Variants in MYO16 observed in about 807,000 individuals in gnomAD.
The protein encoded by MYO16 is unconventional myosin-XVI.
MYO16 carries 94 observed loss-of-function variants against 205.3 expected under a neutral mutation model. That is an observed-to-expected ratio of 0.46 (90% confidence interval 0.39 to 0.54). The LOEUF is 0.54. Ranked by LOEUF, MYO16 falls within the 20% of genes least tolerant of loss-of-function variation. The probability of loss-of-function intolerance (pLI) is 0.00; values close to 1 mark genes in which losing one functional copy is unlikely to be tolerated. For synonymous variants in MYO16, 988 were observed against 954.0 expected (o/e 1.04, Z -0.66); for missense variants, 2,315 against 2,387.5 (o/e 0.97, Z 0.63).
chr13:108,708,685 A>G lies in MYO16; in HGVS notation c.293-3976A>G, dbSNP rs1883607382. Among the ~76,000 whole-genome samples, 4 of 152,354 alleles carry G rather than the reference A, an allele frequency of 2.6e-5. No homozygotes were observed. The East Asian group carries it at 5.8e-4, about 22-fold the overall frequency. On this transcript the variant is annotated intron_variant, in intron 2 of 34. Coordinates refer to ENST00000457511, the MANE Select transcript of MYO16 (RefSeq NM_001198950.3). The stretch of plus-strand genomic sequence containing the variant: ...TAAATGTAACACCTTTGTGAATTCA[A>G]GAGCCACTGTGGTGGAGATTGTGTG...
chr13:108,568,772 T>A, the MYO16 span, among the ~76,000 whole-genome samples: 2 of 152,032 alleles, frequency 1.3e-5, no homozygotes, highest in African/African-American at 2.4e-5. Flanking sequence ...CGTTTCCTAA[T>A]CCAAGGCCAC....
intron 33 of MYO16, 65 bp downstream of exon 33, chr13:109,165,124 G>A: frequency 8.1e-7 from 1 of 1,242,058 alleles, no homozygotes; most frequent in Non-Finnish European, 1.1e-6. Flanking sequence ...CTTTCTGGGA[G>A]GAATGGATTT....
At chr13:108,589,769 T>A in the MYO16 span, among the ~76,000 whole-genome samples, 2 of 152,168 alleles carry the variant, frequency 1.3e-5, no homozygotes, top group Non-Finnish European at 2.9e-5. Flanking sequence ...CATTAGCAAA[T>A]GTTTCCTGGA....
intron 3 of MYO16, among the ~76,000 whole-genome samples, chr13:108,716,548 G>T (rs1883951993): frequency 6.6e-6 from 1 of 152,206 alleles, no homozygotes; most frequent in Non-Finnish European, 1.5e-5. Context: ...AAAATTGCAG[G>T]TTGCTGGAGA....
In MYO16 at chr13:108,952,226, G is replaced by A. The variant is rs147347991; in HGVS notation, c.1926-5462G>A. Among the ~76,000 whole-genome samples the A allele has an allele frequency of 3.6e-3, 553 of 152,252 alleles. 3 individuals are homozygous for A. The highest frequency in any genetic ancestry group is 0.012 in the African/African-American group (484 of 41,536). The stretch of plus-strand genomic sequence containing the variant: ...GGAATTGGACTACCAAATTTCTACA[G>A]TGTTTTTATCCTTTTTCTGTAAATG... On this transcript the variant is annotated intron_variant, in intron 16 of 34. Coordinates refer to ENST00000457511, the MANE Select transcript of MYO16 (RefSeq NM_001198950.3).
At chr13:108,629,927 T>A in intron 1 of MYO16, 55 bp downstream of exon 1, 1 of 1,470,010 alleles carries the variant, frequency 6.8e-7, no homozygotes, top group Non-Finnish European at 9.2e-7. Flanking sequence ...GAAGTATTAT[T>A]TTGTGCAGAT....
chr13:108,662,061 GTC>G (rs1881526505), intron 1 of MYO16, among the ~76,000 whole-genome samples: 1 of 152,128 alleles, frequency 6.6e-6, no homozygotes, highest in South Asian at 2.1e-4. Context: ...TCTCTTCTGG[GTC>G]TAGCCACCCA....
At chr13:108,976,205 A>G (rs1168649601) in intron 20 of MYO16, among the ~76,000 whole-genome samples, 1 of 152,162 alleles carries the variant, frequency 6.6e-6, no homozygotes, top group Non-Finnish European at 1.5e-5. Flanking sequence ...TTGGAAATTA[A>G]TGTTCCCAGG....
the MYO16 span, among the ~76,000 whole-genome samples, chr13:108,546,571 C>T: frequency 6.6e-6 from 1 of 152,134 alleles, no homozygotes; most frequent in Non-Finnish European, 1.5e-5. Context: ...TAAATTTCCA[C>T]AGTTGCTCTC....
At chr13:108,653,050 G>T (rs1881081694) in intron 1 of MYO16, among the ~76,000 whole-genome samples, 1 of 152,216 alleles carries the variant, frequency 6.6e-6, no homozygotes, top group Middle Eastern at 3.4e-3. Flanking sequence ...CCAATGCTTT[G>T]TATTTTCTGT....
intron 4 of MYO16, among the ~76,000 whole-genome samples, chr13:108,781,434 C>G (rs958213123): frequency 6.6e-6 from 1 of 152,152 alleles, no homozygotes; most frequent in African/African-American, 2.4e-5. Context: ...TTCAGCAGCT[C>G]TCTCAGCAGC....
chr13:108,807,570 C>T (rs1887153523), intron 7 of MYO16, among the ~76,000 whole-genome samples: 1 of 152,070 alleles, frequency 6.6e-6, no homozygotes, highest in African/African-American at 2.4e-5. Context: ...TTTTATTTCT[C>T]CTTGATTGAG....
intron 2 of MYO16, among the ~76,000 whole-genome samples, chr13:108,710,595 C>T (rs1298361598): frequency 1.3e-5 from 2 of 152,150 alleles, no homozygotes; most frequent in African/African-American, 2.4e-5. Context: ...TTCTCACAAA[C>T]CCCCATGAAA....
chr13:109,104,955 T>C (rs1297787601), intron 28 of MYO16, among the ~76,000 whole-genome samples: 1 of 152,164 alleles, frequency 6.6e-6, no homozygotes, highest in African/African-American at 2.4e-5. Flanking sequence ...ACGCTTCAGA[T>C]TGCAGTCCTT....
intron 9 of MYO16, among the ~76,000 whole-genome samples, chr13:108,826,774 A>T (rs1876292862): frequency 6.6e-6 from 1 of 152,170 alleles, no homozygotes; most frequent in Non-Finnish European, 1.5e-5. Context: ...AAGCACACAC[A>T]AAAATACTCT....
intron 4 of MYO16, among the ~76,000 whole-genome samples, chr13:108,769,658 G>T (rs1885897324): frequency 6.6e-6 from 1 of 152,172 alleles, no homozygotes; most frequent in Admixed American, 6.5e-5. Context: ...AGCAAGACCG[G>T]GTGGTTCTGG....
the MYO16 span, among the ~76,000 whole-genome samples, chr13:108,546,680 A>G: frequency 6.6e-6 from 1 of 152,156 alleles, no homozygotes; most frequent in Non-Finnish European, 1.5e-5. Context: ...AGAGTGCGTC[A>G]TTATACAGAA....
intron 31 of MYO16, among the ~76,000 whole-genome samples, chr13:109,138,247 A>C (rs960664043): frequency 2.0e-5 from 3 of 152,222 alleles, no homozygotes; most frequent in Admixed American, 2.0e-4. Context: ...GCCTCAGTTA[A>C]ATAACTCAAG....
rs532522387 is a variant in MYO16 at position 108,976,747 on chromosome 13, G to A, written c.2369+11845G>A. ...GAGAAAATAAAAATACGCTTATCCC[G>A]ACTTTTCTTTGTCCATTTCATGCAT... On this transcript the variant is annotated intron_variant, in intron 20 of 34. Transcript: ENST00000457511. 1.3e-4 allele frequency among the ~76,000 whole-genome samples: 20 copies of A among 152,118 alleles called. No homozygotes were observed. The South Asian group carries it at 3.5e-3, about 27-fold the overall frequency.
Sources: gnomAD v4.1 joint callset for allele counts (sites outside exome capture counted in the v4.1 genomes callset) on GRCh38, gnomAD v4.1.1 for gene constraint, MANE v1.5 for transcripts, NCBI Gene and HGNC (gene_info 2026-07-23, HGNC 2026-07-21) for gene names.